The following STEEP1 variants were observed in gnomAD, a reference collection of about 807,000 sequenced individuals.
The protein encoded by STEEP1 is STING ER exit protein.
A neutral mutation model predicts 19.2 loss-of-function variants in STEEP1; 3 were observed. The ratio of observed to expected loss-of-function variants is 0.16; its 90% confidence interval spans 0.07 to 0.40. STEEP1 has a LOEUF of 0.40. Among genes scored for constraint, STEEP1 ranks in the 10% least tolerant of loss-of-function variants. The probability of loss-of-function intolerance (pLI) is 0.99; values close to 1 mark genes in which losing one functional copy is unlikely to be tolerated. For synonymous variants in STEEP1, 46 were observed against 63.7 expected (o/e 0.72, Z 1.32); for missense variants, 54 against 177.1 (o/e 0.30, Z 3.94).
In STEEP1 at chrX:119,557,319, C is replaced by T. The variant is rs1159713925; in HGVS notation, c.242+2949G>A. On this transcript the variant is annotated intron_variant, in intron 2 of 6. Coordinates refer to ENST00000644802, the MANE Select transcript of STEEP1 (RefSeq NM_022101.4). ...GACCCTTAAAAATTCACATTCTGGCCGGGCACAGTGGCTCATGCCTGTGAT... is the reference window on the plus strand; with the variant it reads ...GACCCTTAAAAATTCACATTCTGGCTGGGCACAGTGGCTCATGCCTGTGAT... 4.6e-5 allele frequency among the ~76,000 whole-genome samples: 5 copies of T among 107,546 alleles called. No individual in the cohort carries two copies. The East Asian group carries it at 1.2e-3, about 25-fold the overall frequency. The allele number at this position is 107,546 out of a possible 115,157, so 93.4% of individuals were successfully genotyped here.
chrX:119,557,374 G>T (rs1603306655), intron 2 of STEEP1, among the ~76,000 whole-genome samples: 1 of 104,164 alleles, frequency 9.6e-6, no homozygotes, highest in African/African-American at 3.5e-5. Context: ...GAGGTGGGAG[G>T]ATCACTTGAG....
rs989767618 is a variant in STEEP1, at chrX:119,539,502, T to A, written c.*225A>T. 9.5e-5 allele frequency: 30 copies of A among 314,901 alleles called. No homozygotes were observed. The East Asian group carries it at 1.5e-3, about 16-fold the overall frequency. 26.0% of individuals were successfully genotyped at this position (314,901 alleles called of 1,213,427 possible). A position where few individuals can be genotyped will look rare whatever the true frequency, so the allele number is the denominator to read the frequency against. On this transcript the variant is annotated 3_prime_UTR_variant, in exon 7 of 7. Transcript: ENST00000644802. ...GCCGAGATCGCACCACTGCACTCCA[T>A]CCTGGGCGAAAGAGCAAGACTTTAT...
intron 2 of STEEP1, among the ~76,000 whole-genome samples, chrX:119,551,842 C>T (rs1422782296): frequency 9.1e-6 from 1 of 109,970 alleles, no homozygotes; most frequent in Non-Finnish European, 1.9e-5. Context: ...AGGTTGACGG[C>T]TTGGTCCCCA....
intron 2 of STEEP1, among the ~76,000 whole-genome samples, chrX:119,549,003 C>G (rs1409738923): frequency 8.9e-6 from 1 of 111,862 alleles, no homozygotes; most frequent in Admixed American, 9.6e-5. Context: ...CATGATCTCA[C>G]TTGTTTGTGG....
intron 4 of STEEP1, among the ~76,000 whole-genome samples, chrX:119,542,954 C>T (rs947381924): frequency 2.0e-5 from 2 of 98,310 alleles, no homozygotes; most frequent in Non-Finnish European, 4.0e-5. Context: ...GCATATGCCC[C>T]CACGCCTGGC....
intron 1 of STEEP1, among the ~76,000 whole-genome samples, chrX:119,564,073 T>G (rs190896260): frequency 9.0e-6 from 1 of 111,473 alleles, no homozygotes; most frequent in African/African-American, 3.3e-5. Context: ...AGCATGTCAG[T>G]TGTATTTAAA....
At chrX:119,547,243 C>T (rs773579345) in intron 2 of STEEP1, among the ~76,000 whole-genome samples, 1 of 111,856 alleles carries the variant, frequency 8.9e-6, no homozygotes, top group East Asian at 2.8e-4. Flanking sequence ...TTACAAGGAC[C>T]GCATTGTATT....
intron 5 of STEEP1, 30 bp from the exon 6 acceptor site, chrX:119,541,450 G>A (rs572560185): frequency 2.7e-5 from 24 of 879,302 alleles, no homozygotes; most frequent in African/African-American, 1.6e-4. Context: ...TCCTTAAACC[G>A]GAAGTCTCAC....
chrX:119,550,689 G>A (rs936190934), intron 2 of STEEP1, among the ~76,000 whole-genome samples: 7 of 111,649 alleles, frequency 6.3e-5, no homozygotes, highest in African/African-American at 2.3e-4. Flanking sequence ...AACAGATTCG[G>A]GCTGTGTCAC....
intron 2 of STEEP1, among the ~76,000 whole-genome samples, chrX:119,556,582 CAAA>C (rs60424721): frequency 1.6e-4 from 11 of 70,539 alleles, no homozygotes; most frequent in Admixed American, 1.6e-4. Flanking sequence ...GACTCCGTCT[CAAA>C]AAAAAAAAAA....
chrX:119,543,952 A>G (rs1005919247), intron 4 of STEEP1, among the ~76,000 whole-genome samples: 1 of 112,226 alleles, frequency 8.9e-6, no homozygotes, highest in African/African-American at 3.2e-5. Context: ...TAGGAAAGAG[A>G]GAACACATAA....
intron 4 of STEEP1, among the ~76,000 whole-genome samples, chrX:119,543,007 A>C (rs1231325815): frequency 1.6e-4 from 4 of 24,938 alleles, no homozygotes; most frequent in South Asian, 2.2e-3. Flanking sequence ...CAAAAAAAAA[A>C]AAAAAAAAAA....
In STEEP1 at chrX:119,543,581, A is replaced by G. The variant is rs758337597; in HGVS notation, c.423+772T>C. ...GACTGTAACCTCAAACTCCTGGGCT[A>G]AAGTGATCCTCCCGCCTCAGTCTCC... is the stretch of plus-strand genomic sequence containing the variant. On this transcript the variant is annotated intron_variant, in intron 4 of 6. Coordinates refer to ENST00000644802, the MANE Select transcript of STEEP1 (RefSeq NM_022101.4). Among the ~76,000 whole-genome samples, 20 of 110,842 alleles carry G rather than the reference A, an allele frequency of 1.8e-4. No homozygotes were observed. In the East Asian group the frequency reaches 5.1e-3, roughly 28 times the overall value.
In STEEP1 at chrX:119,553,113, C is replaced by T. The variant is rs929941992; in HGVS notation, c.242+7155G>A. Among the ~76,000 whole-genome samples, 7 of 99,751 alleles carry T rather than the reference C, an allele frequency of 7.0e-5. No homozygotes were observed. The East Asian group carries it at 2.0e-3, about 28-fold the overall frequency. The allele number at this position is 99,751 out of a possible 115,157, so 86.6% of individuals were successfully genotyped here. A position where few individuals can be genotyped will look rare whatever the true frequency, so the allele number is the denominator to read the frequency against. On this transcript the variant is annotated intron_variant, in intron 2 of 6. Transcript: ENST00000644802. ...AGGTTACAGTGAACGGAGATCGCGC[C>T]GTTGCACTCCAGCCTATGTAACAGA...
chrX:119,545,885 C>T (rs1262466771), intron 2 of STEEP1, among the ~76,000 whole-genome samples: 3 of 78,824 alleles, frequency 3.8e-5, no homozygotes, highest in Non-Finnish European at 7.1e-5. Context: ...AAGAGTGAAA[C>T]TCCGTCTCAA....
Position 119,546,440 on chromosome X carries a change from C to A in STEEP1, c.243-936G>T, listed in dbSNP as rs201197949. Among the ~76,000 whole-genome samples, 124 of 73,427 alleles carry A rather than the reference C, an allele frequency of 1.7e-3. 1 individual carries two copies. The Middle Eastern group carries it at 0.023, about 13-fold the overall frequency. The allele number at this position is 73,427 out of a possible 115,157, so 63.8% of individuals were successfully genotyped here. On this transcript the variant is annotated intron_variant, in intron 2 of 6. Coordinates refer to ENST00000644802, the MANE Select transcript of STEEP1 (RefSeq NM_022101.4). ...TGGGTGACGGAACGAGACTCCATCT[C>A]AAAAAAAAAAAAAAAAAGTATACAT... is the stretch of plus-strand genomic sequence containing the variant.
chrX:119,550,447 G>T (rs1354863512), intron 2 of STEEP1, among the ~76,000 whole-genome samples: 1 of 111,347 alleles, frequency 9.0e-6, no homozygotes, highest in Non-Finnish European at 1.9e-5. Context: ...AGGGTGCCAA[G>T]ACCATTAAGG....
intron 2 of STEEP1, among the ~76,000 whole-genome samples, chrX:119,555,127 C>T (rs1164731028): frequency 9.2e-6 from 1 of 109,058 alleles, no homozygotes; most frequent in Non-Finnish European, 1.9e-5. Flanking sequence ...AAAAAGACTT[C>T]AGATGACTGT....
At chrX:119,544,517 G>A (rs1442891876) in intron 3 of STEEP1, 26 bp from the exon 4 acceptor site, 9 of 1,199,299 alleles carry the variant, frequency 7.5e-6, no homozygotes, top group Non-Finnish European at 9.0e-6. Flanking sequence ...GAATTTCTGC[G>A]AGGTCTCATA....
Sources: gnomAD v4.1 joint callset for allele counts (sites outside exome capture counted in the v4.1 genomes callset) on GRCh38, gnomAD v4.1.1 for gene constraint, MANE v1.5 for transcripts, NCBI Gene and HGNC (gene_info 2026-07-23, HGNC 2026-07-21) for gene names.